Variants in FSTL5 observed in about 807,000 individuals in gnomAD.
FSTL5 encodes follistatin like 5.
Under a neutral mutation model 89.1 loss-of-function variants are expected in FSTL5, and 62 were observed. That is an observed-to-expected ratio of 0.70 (90% CI 0.57 to 0.86). The LOEUF (loss-of-function observed/expected upper bound fraction) is 0.86. FSTL5 is among the 40% of genes least tolerant of loss of function. FSTL5 has a pLI of 0.00. For synonymous variants in FSTL5, 383 were observed against 346.2 expected (o/e 1.11, Z -1.18); for missense variants, 1,057 against 1,001.6 (o/e 1.06, Z -0.75).
intron 13 of FSTL5, among the ~76,000 whole-genome samples, chr4:161,471,977 ATC>A (rs200278389): frequency 3.5e-4 from 36 of 103,488 alleles, no homozygotes; most frequent in Non-Finnish European, 4.0e-4. Context: ...AATTTTCTTG[ATC>A]TTTTTTTTTT....
At chr4:161,446,924 A>G (rs984079349) in intron 15 of FSTL5, among the ~76,000 whole-genome samples, 2 of 152,030 alleles carry the variant, frequency 1.3e-5, no homozygotes, top group Non-Finnish European at 2.9e-5. Context: ...TACCATTATC[A>G]GCAAACCCAG....
rs150688664 is a variant in FSTL5, at chr4:161,720,396, AT to A, written c.727+39014del. On this transcript the variant is annotated intron_variant, in intron 6 of 15. Transcript: ENST00000306100. ...GGCAAGGATATGGAGAACAGGAAACATTTGTACACTATTGATGGGAATGTAA... is the reference window on the plus strand; with the variant it reads ...GGCAAGGATATGGAGAACAGGAAACATTGTACACTATTGATGGGAATGTAA... Among the ~76,000 whole-genome samples, 356 of 152,270 alleles carry A rather than the reference AT, an allele frequency of 2.3e-3. 3 individuals are homozygous for A. The highest frequency in any genetic ancestry group is 8.0e-3 in the African/African-American group (333 of 41,580).
At chr4:161,841,287 C>A (rs1009588755) in intron 4 of FSTL5, among the ~76,000 whole-genome samples, 2 of 152,104 alleles carry the variant, frequency 1.3e-5, no homozygotes, top group Non-Finnish European at 2.9e-5. Context: ...AAAAGGAAAA[C>A]CATATGTTAT....
At chr4:161,772,657 C>T (rs961994421) in intron 5 of FSTL5, among the ~76,000 whole-genome samples, 7 of 152,078 alleles carry the variant, frequency 4.6e-5, no homozygotes, top group Admixed American at 1.3e-4. Context: ...AAGACCTCTA[C>T]AAGGAAAACT....
intron 4 of FSTL5, among the ~76,000 whole-genome samples, chr4:161,885,693 C>T (rs1381111318): frequency 1.3e-5 from 2 of 152,176 alleles, no homozygotes; most frequent in African/African-American, 4.8e-5. Flanking sequence ...AAGCAGTCCA[C>T]CTGCCTCAGC....
chr4:161,877,013 C>T (rs1732464995), intron 4 of FSTL5, among the ~76,000 whole-genome samples: 1 of 151,536 alleles, frequency 6.6e-6, no homozygotes, highest in African/African-American at 2.4e-5. Flanking sequence ...GGAGAAACCC[C>T]ATCTCTACTA....
At chr4:161,464,451 C>A (rs745526558) in intron 13 of FSTL5, among the ~76,000 whole-genome samples, 2 of 152,168 alleles carry the variant, frequency 1.3e-5, no homozygotes, top group Non-Finnish European at 2.9e-5. Context: ...TGTGTGCATA[C>A]CTCTTCTCCT....
chr4:161,586,161 A>G (rs1733609837), intron 8 of FSTL5, among the ~76,000 whole-genome samples: 2 of 152,158 alleles, frequency 1.3e-5, no homozygotes, highest in African/African-American at 4.8e-5. Flanking sequence ...CTCAGATCCA[A>G]GGCTCAATCC....
At chr4:161,700,490 A>T (rs538555156) in intron 6 of FSTL5, among the ~76,000 whole-genome samples, 5 of 151,974 alleles carry the variant, frequency 3.3e-5, no homozygotes, top group African/African-American at 1.2e-4. Flanking sequence ...TTAATTTTTT[A>T]AAAAATTGTT....
chr4:161,788,186 T>C (rs1379311910), intron 4 of FSTL5, among the ~76,000 whole-genome samples: 1 of 152,202 alleles, frequency 6.6e-6, no homozygotes, highest in Non-Finnish European at 1.5e-5. Flanking sequence ...AATGCATATA[T>C]ACATTGTGTA....
At chr4:162,057,502 A>G (rs1738583936) in intron 2 of FSTL5, among the ~76,000 whole-genome samples, 2 of 152,244 alleles carry the variant, frequency 1.3e-5, no homozygotes, top group Admixed American at 1.3e-4. Context: ...GCAGTACAGT[A>G]TGCAAAGATT....
chr4:161,500,128 C>T lies in FSTL5; in HGVS notation c.1346G>A (p.Gly449Glu). The change falls in exon 12 of 16, where the codon GGA becomes GAA. Residue 449 changes from glycine (G) to glutamate (E), a missense_variant. Physicochemically the swap from Gly to Glu is moderately conservative, Grantham distance 98. This residue lies in a region of FSTL5 where 980 missense variants were observed against 903.2 expected (regional missense o/e 1.08). Coordinates refer to ENST00000306100, the MANE Select transcript of FSTL5 (RefSeq NM_020116.5). ...AAAAACATAGAACATGTTCCCAATTCCCAGACCTTAGGAATAAAAACACAT... is the reference window on the plus strand; with the variant it reads ...AAAAACATAGAACATGTTCCCAATTTCCAGACCTTAGGAATAAAAACACAT... ...ANILWREEGL[G>E]IGNMFYVFYE... is the part of the protein sequence containing the mutation. 6.4e-7 allele frequency: 1 copy of T among 1,569,344 alleles called. No individual in the cohort carries two copies. The highest frequency in any genetic ancestry group is 8.7e-7 in the Non-Finnish European group (1 of 1,144,972).
chr4:161,872,579 C>T (rs748448507), intron 4 of FSTL5, among the ~76,000 whole-genome samples: 17 of 152,076 alleles, frequency 1.1e-4, no homozygotes, highest in African/African-American at 2.2e-4. Context: ...ATTTACTACA[C>T]GCCAGGCACT....
At chr4:162,014,972 G>T (rs1481077289) in intron 3 of FSTL5, among the ~76,000 whole-genome samples, 1 of 152,142 alleles carries the variant, frequency 6.6e-6, no homozygotes, top group Non-Finnish European at 1.5e-5. Flanking sequence ...AATTTGAGAA[G>T]AGATAGTGGC....
chr4:161,396,760 C>G (rs1011012264), intron 15 of FSTL5, among the ~76,000 whole-genome samples: 1 of 150,136 alleles, frequency 6.7e-6, no homozygotes, highest in Non-Finnish European at 1.5e-5. Flanking sequence ...CACAAACAAG[C>G]CCAAAAGCTA....
intron 11 of FSTL5, 108 bp from the exon 12 acceptor site, chr4:161,500,242 T>C (rs1730250284): frequency 1.5e-6 from 1 of 662,942 alleles, no homozygotes; most frequent in Non-Finnish European, 2.5e-6. Flanking sequence ...TTTTCGAAGT[T>C]GTGTAATGTT....
chr4:161,873,565 C>T (rs1468314596), intron 4 of FSTL5, among the ~76,000 whole-genome samples: 1 of 144,664 alleles, frequency 6.9e-6, no homozygotes, highest in South Asian at 2.3e-4. Flanking sequence ...TCCTCTCTTC[C>T]TCCATTTTTC....
At chr4:161,523,973 C>A (rs528777538) in intron 10 of FSTL5, among the ~76,000 whole-genome samples, 1 of 152,254 alleles carries the variant, frequency 6.6e-6, no homozygotes, top group African/African-American at 2.4e-5. Flanking sequence ...TCCTCCTAAG[C>A]CAGGACTCTT....
At chr4:161,990,186 T>C (rs1736072471) in intron 3 of FSTL5, among the ~76,000 whole-genome samples, 1 of 152,148 alleles carries the variant, frequency 6.6e-6, no homozygotes. Context: ...GCCCACTCTG[T>C]TTTAGAAAAT....
Sources: gnomAD v4.1 joint callset for allele counts (sites outside exome capture counted in the v4.1 genomes callset) on GRCh38, gnomAD v4.1.1 for gene constraint, gnomAD v4.1.1 regional missense constraint, MANE v1.5 for transcripts, NCBI Gene and HGNC (gene_info 2026-07-23, HGNC 2026-07-21) for gene names.